The following TRIP12 variants were observed in gnomAD, a reference collection of about 807,000 sequenced individuals.
TRIP12 encodes E3 ubiquitin-protein ligase TRIP12.
In TRIP12, 25 loss-of-function variants were observed where a neutral mutation model predicts 244.2. The observed-to-expected ratio is 0.10, with a 90% CI of 0.07 to 0.14. The LOEUF (loss-of-function observed/expected upper bound fraction) is 0.14. Ranked by LOEUF, TRIP12 falls within the 10% of genes least tolerant of loss-of-function variation. The pLI is 1.00. For synonymous variants in TRIP12, 905 were observed against 873.1 expected (o/e 1.04, Z -0.64); for missense variants, 1,677 against 2,486.4 (o/e 0.67, Z 6.92).
Position 229,859,470 on chromosome 2 carries a change from T to C in TRIP12, c.329A>G (p.Asn110Ser), listed in dbSNP as rs772882161. The change falls in exon 4 of 42, where the codon AAT becomes AGT. Residue 110 changes from asparagine (N) to serine (S), a missense_variant. Around this residue, in one of 11 missense-constraint regions of TRIP12, gnomAD observed 387 missense variants for 392.6 expected, o/e 0.99. Transcript: ENST00000675903. ...AGCACTGCGCTTCACTCCTCGAGAA[T>C]TGTCTTTCTTAGGCACCTGCCCCGT... The part of the protein sequence containing the change: ...QKTGQVPKKD[N>S]SRGVKRSASP... 48 of 1,614,094 alleles carry C rather than the reference T, an allele frequency of 3.0e-5. No homozygotes were observed. Among genetic ancestry groups the C allele is most frequent in the South Asian group, 7.7e-5 (7 of 91,094 alleles).
At chr2:229,893,737 T>C (rs956180576) in intron 1 of TRIP12, among the ~76,000 whole-genome samples, 2 of 152,220 alleles carry the variant, frequency 1.3e-5, no homozygotes, top group Non-Finnish European at 2.9e-5. Context: ...AGTTTAAAGC[T>C]GCTAGATTTT....
chr2:229,843,351 T>C (rs1249882379), intron 4 of TRIP12, among the ~76,000 whole-genome samples: 2 of 152,292 alleles, frequency 1.3e-5, no homozygotes, highest in African/African-American at 2.4e-5. Context: ...TGGATAAAGA[T>C]GAAACTGGCA....
At chr2:229,867,544 G>T (rs1172332494) in intron 2 of TRIP12, among the ~76,000 whole-genome samples, 2 of 151,976 alleles carry the variant, frequency 1.3e-5, no homozygotes, top group East Asian at 3.8e-4. Flanking sequence ...CTAAAAAGGA[G>T]CCCTCTGCCT....
At chr2:229,888,935 C>T (rs1483593250) in intron 1 of TRIP12, among the ~76,000 whole-genome samples, 1 of 152,010 alleles carries the variant, frequency 6.6e-6, no homozygotes, top group Non-Finnish European at 1.5e-5. Context: ...AGACAATAGC[C>T]AGGAGAGAAG....
intron 2 of TRIP12, among the ~76,000 whole-genome samples, chr2:229,863,581 C>G (rs1246152433): frequency 2.6e-5 from 4 of 152,156 alleles, no homozygotes; most frequent in Non-Finnish European, 5.9e-5. Flanking sequence ...AGTTTTCAAC[C>G]CTGGCTAACA....
intron 1 of TRIP12, among the ~76,000 whole-genome samples, chr2:229,908,901 G>A (rs1369710881): frequency 6.6e-6 from 1 of 151,676 alleles, no homozygotes; most frequent in African/African-American, 2.4e-5. Context: ...AGACCAACCT[G>A]GGCAATATAG....
At chr2:229,911,373 A>C (rs761435641) in intron 1 of TRIP12, among the ~76,000 whole-genome samples, 3 of 152,206 alleles carry the variant, frequency 2.0e-5, no homozygotes, top group Non-Finnish European at 2.9e-5. Context: ...CTATCAGAAC[A>C]CTGAAAAAAA....
At chr2:229,874,252 T>C (rs575696) in intron 2 of TRIP12, among the ~76,000 whole-genome samples, 12,106 of 152,118 alleles carry the variant, frequency 0.08, 641 homozygotes, top group Non-Finnish European at 0.13. Flanking sequence ...CAAGGAATTC[T>C]TTTTCCCCAC....
intron 24 of TRIP12, among the ~76,000 whole-genome samples, chr2:229,797,341 G>C (rs2043066696): frequency 6.6e-6 from 1 of 152,188 alleles, no homozygotes; most frequent in South Asian, 2.1e-4. Context: ...GACCCCATGT[G>C]AAGAGAGGGG....
At chr2:229,788,299 A>G (rs1188582193) in intron 32 of TRIP12, among the ~76,000 whole-genome samples, 1 of 152,152 alleles carries the variant, frequency 6.6e-6, no homozygotes, top group Non-Finnish European at 1.5e-5. Context: ...TTAAAATATG[A>G]CCACCACCTT....
At chr2:229,907,583 T>A (rs1010782643) in intron 1 of TRIP12, among the ~76,000 whole-genome samples, 1 of 152,160 alleles carries the variant, frequency 6.6e-6, no homozygotes, top group Admixed American at 6.6e-5. Context: ...GGCAAGAAGA[T>A]TGCTTGAGGC....
intron 1 of TRIP12, among the ~76,000 whole-genome samples, chr2:229,882,465 A>G (rs2154355525): frequency 6.6e-6 from 1 of 152,320 alleles, no homozygotes; most frequent in South Asian, 2.1e-4. Context: ...TTGGGCACAA[A>G]AATTGGAGAC....
intron 1 of TRIP12, among the ~76,000 whole-genome samples, chr2:229,907,982 AG>A (rs2073306993): frequency 6.6e-6 from 1 of 151,840 alleles, no homozygotes; most frequent in Non-Finnish European, 1.5e-5. Flanking sequence ...AAAAAAAAAA[AG>A]GTTATTCAAC....
intron 38 of TRIP12, 63 bp downstream of exon 38, chr2:229,774,034 T>C (rs1406186045): frequency 6.4e-7 from 1 of 1,551,538 alleles, no homozygotes; most frequent in East Asian, 2.3e-5. Context: ...AGAAGCAAGG[T>C]ACAATCAGGC....
In TRIP12 at chr2:229,778,367, G is replaced by T; in HGVS notation, c.5364+66C>A. On this transcript the variant is annotated intron_variant, in intron 36 of 41. Coordinates refer to ENST00000675903, the MANE Select transcript of TRIP12 (RefSeq NM_001348323.3). The surrounding 1 kb of genome is among the most constrained non-coding windows in gnomAD (Gnocchi z 4.1). Reference sequence around the variant, plus strand: ...CTAAACTATAGCAGTAAACTACAGGGGACTGAGGTACTTGCACAGAACATT... The same window carrying T: ...CTAAACTATAGCAGTAAACTACAGGTGACTGAGGTACTTGCACAGAACATT... 6.3e-7 allele frequency: 1 copy of T among 1,578,966 alleles called. No individual in the cohort carries two copies. Among genetic ancestry groups the T allele is most frequent in the Admixed American group, 1.7e-5 (1 of 59,132 alleles).
intron 5 of TRIP12, among the ~76,000 whole-genome samples, chr2:229,839,131 C>T (rs565406058): frequency 9.2e-5 from 14 of 152,260 alleles, no homozygotes; most frequent in African/African-American, 3.1e-4. Flanking sequence ...TTATTAATAC[C>T]CTATTTTTAC....
chr2:229,912,231 C>G (rs1345278437), intron 1 of TRIP12, among the ~76,000 whole-genome samples: 2 of 152,182 alleles, frequency 1.3e-5, no homozygotes, highest in African/African-American at 4.8e-5. Flanking sequence ...ACTTCTATCT[C>G]CTCCAAAACT....
chr2:229,905,270 G>A lies in TRIP12; in HGVS notation c.-50+16610C>T, dbSNP rs547609478. Among the ~76,000 whole-genome samples the A allele has an allele frequency of 8.6e-5, 12 of 140,104 alleles. No homozygotes were observed. In the South Asian group the frequency reaches 1.5e-3, roughly 18 times the overall value. The allele number at this position is 140,104 out of a possible 152,430, so 91.9% of individuals were successfully genotyped here. ...GCCTGGGCAACAAGAGCAAAACTCC[G>A]TCTCAAAAAAAAAAAAAAAAAGTGT... On this transcript the variant is annotated intron_variant, in intron 1 of 41. Coordinates refer to ENST00000675903, the MANE Select transcript of TRIP12 (RefSeq NM_001348323.3).
intron 8 of TRIP12, among the ~76,000 whole-genome samples, chr2:229,827,481 T>TTA (rs1275789086): frequency 2.0e-4 from 30 of 151,792 alleles, no homozygotes; most frequent in Non-Finnish European, 3.5e-4. Context: ...TATTATTATT[T>TTA]TTTTGGTTAT....
Sources: gnomAD v4.1 joint callset for allele counts (sites outside exome capture counted in the v4.1 genomes callset) on GRCh38, gnomAD v4.1.1 for gene constraint, gnomAD v4.1.1 regional missense constraint, Gnocchi (gnomAD v3.1) non-coding constraint, MANE v1.5 for transcripts, NCBI Gene and HGNC (gene_info 2026-07-23, HGNC 2026-07-21) for gene names.